The following PCLO variants were observed in gnomAD, a reference collection of about 807,000 sequenced individuals.
PCLO encodes protein piccolo.
PCLO carries 82 observed loss-of-function variants against 427.5 expected under a neutral mutation model. The observed-to-expected ratio is 0.19, with a 90% CI of 0.16 to 0.23. The LOEUF is 0.23. PCLO is among the 10% of genes least tolerant of loss of function. The pLI, the probability that PCLO is intolerant of heterozygous loss-of-function variation, is 1.00. For missense variants in PCLO, 6,239 were observed against 6,115.9 expected (o/e 1.02, Z -0.67); for synonymous variants, 2,357 against 2,155.4 (o/e 1.09, Z -2.59).
chr7:82,865,921 A>G (rs963042709), intron 10 of PCLO, among the ~76,000 whole-genome samples: 1 of 152,098 alleles, frequency 6.6e-6, no homozygotes, highest in African/African-American at 2.4e-5. Flanking sequence ...TCCTATTTAA[A>G]CGTCATTCAG....
intron 2 of PCLO, among the ~76,000 whole-genome samples, chr7:83,141,996 T>C (rs997057559): frequency 6.6e-6 from 1 of 152,118 alleles, no homozygotes; most frequent in Admixed American, 6.6e-5. Flanking sequence ...GAATTATTAT[T>C]AATTTATTAA....
intron 20 of PCLO, among the ~76,000 whole-genome samples, chr7:82,818,152 T>TCA (rs1361667942): frequency 6.6e-6 from 1 of 152,124 alleles, no homozygotes; most frequent in East Asian, 1.9e-4. Context: ...TGTTTAGGCC[T>TCA]CAGGATGTTT....
At chr7:82,798,069 G>A (rs1791265268) in intron 22 of PCLO, among the ~76,000 whole-genome samples, 2 of 152,056 alleles carry the variant, frequency 1.3e-5, no homozygotes, top group South Asian at 2.1e-4. Context: ...AAAATTGTAT[G>A]TGAACAAACC....
intron 17 of PCLO, 118 bp from the exon 18 acceptor site, chr7:82,826,778 A>G (rs1401172758): frequency 2.0e-6 from 1 of 503,196 alleles, no homozygotes; most frequent in Non-Finnish European, 3.4e-6. Flanking sequence ...ATGTGAAAAT[A>G]CTTAAAATTT....
At chr7:82,855,396 T>C (rs1792776515) in intron 10 of PCLO, among the ~76,000 whole-genome samples, 1 of 151,954 alleles carries the variant, frequency 6.6e-6, no homozygotes, top group South Asian at 2.1e-4. Context: ...TATCAGTAAA[T>C]AAAAAAACTA....
chr7:82,983,799 G>A (rs1352430786), intron 3 of PCLO, among the ~76,000 whole-genome samples: 1 of 151,856 alleles, frequency 6.6e-6, no homozygotes, highest in African/African-American at 2.4e-5. Flanking sequence ...ATGTATTTGA[G>A]TTATATGTTC....
intron 3 of PCLO, among the ~76,000 whole-genome samples, chr7:83,008,288 A>T (rs1335866221): frequency 6.6e-6 from 1 of 151,762 alleles, no homozygotes; most frequent in Non-Finnish European, 1.5e-5. Flanking sequence ...CAAAATAGTC[A>T]TTAAAATATA....
Position 82,879,391 on chromosome 7 carries a change from T to C in PCLO, c.13600A>G (p.Ile4534Val). The C allele has an allele frequency of 3.7e-6, 6 of 1,612,094 alleles. No individual in the cohort carries two copies. Among genetic ancestry groups the C allele is most frequent in the Non-Finnish European group, 5.1e-6 (6 of 1,178,548 alleles). Residue 4534 changes from isoleucine to valine, a missense_variant, in exon 10 of 25, where the codon ATT (isoleucine) becomes GTT (valine). This residue lies in a region of PCLO where 877 missense variants were observed against 925.5 expected (regional missense o/e 0.95). Transcript: ENST00000333891. ...PGHSGEIGAY[I>V]AKILPGGSAE... Reference sequence around the variant, plus strand: ...CTTCCCCCAGGAAGAATCTTGGCAATATAGGCTCCAATTTCTCCACTATGT... The same window carrying C: ...CTTCCCCCAGGAAGAATCTTGGCAACATAGGCTCCAATTTCTCCACTATGT...
chr7:82,863,069 T>A (rs1793004685), intron 10 of PCLO, among the ~76,000 whole-genome samples: 1 of 151,684 alleles, frequency 6.6e-6, no homozygotes, highest in African/African-American at 2.4e-5. Context: ...CCATGATGTG[T>A]TTGTTTATCT....
chr7:83,032,791 C>A (rs1788704067), intron 3 of PCLO, among the ~76,000 whole-genome samples: 1 of 152,040 alleles, frequency 6.6e-6, no homozygotes, highest in Non-Finnish European at 1.5e-5. Flanking sequence ...AGAGTTGAAT[C>A]ATGAAGTTTT....
chr7:83,134,690 G>T lies in PCLO; in HGVS notation c.2860C>A (p.Pro954Thr), dbSNP rs368056917. 3.2e-5 allele frequency: 52 copies of T among 1,613,642 alleles called. No homozygotes were observed. Among genetic ancestry groups the T allele is most frequent in the Non-Finnish European group, 4.2e-5 (50 of 1,179,786 alleles). The change falls in exon 3 of 25, where the codon CCT becomes ACT. Residue 954 changes from proline (P) to threonine (T), a missense_variant. By Grantham distance (38) the Pro-to-Thr change is conservative. Coordinates refer to ENST00000333891, the MANE Select transcript of PCLO (RefSeq NM_033026.6). Reference protein sequence around the residue: ...NLISTAGQPGPHSQSGPGAPM... With the variant: ...NLISTAGQPGTHSQSGPGAPM... ...GCCCCTGGTCCACTTTGTGAATGAG[G>T]TCCAGGTTGGCCTGCAGTGGAAATT...
At chr7:83,102,885 C>A (rs1790768834) in intron 3 of PCLO, among the ~76,000 whole-genome samples, 1 of 151,712 alleles carries the variant, frequency 6.6e-6, no homozygotes, top group South Asian at 2.1e-4. Flanking sequence ...TAGCTGTTTC[C>A]ATAATTCATC....
At chr7:83,114,295 G>A (rs1791078129) in intron 3 of PCLO, among the ~76,000 whole-genome samples, 1 of 152,054 alleles carries the variant, frequency 6.6e-6, no homozygotes, top group South Asian at 2.1e-4. Flanking sequence ...CTATATAAGA[G>A]GGCTGACTGG....
intron 3 of PCLO, among the ~76,000 whole-genome samples, chr7:83,097,634 C>CTTAG (rs36021031): frequency 0.46 from 68,128 of 149,204 alleles, 15,920 homozygotes; most frequent in East Asian, 0.71. Context: ...GCTTTATAAA[C>CTTAG]TTAAACAGTC....
intron 3 of PCLO, among the ~76,000 whole-genome samples, chr7:83,038,045 A>ATATATATATT (rs1788861867): frequency 2.3e-4 from 8 of 35,200 alleles, no homozygotes; most frequent in African/African-American, 4.5e-4. Flanking sequence ...ATATTTATAT[A>ATATATATATT]TATATCTTTA....
Position 82,825,174 on chromosome 7 carries a change from CT to C in PCLO, c.14416-759del, listed in dbSNP as rs35952759. On this transcript the variant is annotated intron_variant, in intron 18 of 24. Coordinates refer to ENST00000333891, the MANE Select transcript of PCLO (RefSeq NM_033026.6). ...CATTTTGTCATGGTTTAATTGGCAA[CT>C]TTTTTTTTCTTAGTACATTGGTGCA... 5.3e-5 allele frequency among the ~76,000 whole-genome samples: 8 copies of C among 151,374 alleles called. No homozygotes were observed. In the East Asian group the frequency reaches 9.7e-4, roughly 18 times the overall value.
At chr7:83,047,517 A>G (rs1427583261) in intron 3 of PCLO, among the ~76,000 whole-genome samples, 1 of 152,020 alleles carries the variant, frequency 6.6e-6, no homozygotes, top group Non-Finnish European at 1.5e-5. Flanking sequence ...TATTGAGTTG[A>G]AAATCCACTT....
chr7:83,020,729 T>G (rs565782663), intron 3 of PCLO, among the ~76,000 whole-genome samples: 4 of 152,064 alleles, frequency 2.6e-5, no homozygotes, highest in Non-Finnish European at 5.9e-5. Flanking sequence ...ACTGAGAAGA[T>G]AACCATAACA....
intron 3 of PCLO, among the ~76,000 whole-genome samples, chr7:83,041,040 A>G (rs1040974741): frequency 1.3e-5 from 2 of 152,194 alleles, no homozygotes; most frequent in African/African-American, 4.8e-5. Flanking sequence ...TTTTATGACA[A>G]AACATAATTA....
Sources: allele counts gnomAD v4.1 joint callset (sites outside exome capture counted in the v4.1 genomes callset), GRCh38; gene constraint gnomAD v4.1.1; regional missense constraint gnomAD v4.1.1; transcripts MANE v1.5; gene names NCBI Gene and HGNC (gene_info 2026-07-23, HGNC 2026-07-21).